NAALADL2: variants seen among roughly 807,000 people sequenced by gnomAD.
NAALADL2 encodes inactive N-acetylated-alpha-linked acidic dipeptidase-like protein 2.
A neutral mutation model predicts 87.2 loss-of-function variants in NAALADL2; 76 were observed. The observed-to-expected ratio is 0.87, with a 90% CI of 0.72 to 1.05. The LOEUF (loss-of-function observed/expected upper bound fraction) is 1.05. NAALADL2 is among the 50% of genes least tolerant of loss of function. NAALADL2 has a pLI of 0.00. For missense variants in NAALADL2, 1,089 were observed against 945.8 expected (o/e 1.15, Z -1.99); for synonymous variants, 354 against 331.0 (o/e 1.07, Z -0.75).
At chr3:174,873,446 G>C (rs1728109992) in intron 1 of NAALADL2, among the ~76,000 whole-genome samples, 2 of 151,826 alleles carry the variant, frequency 1.3e-5, no homozygotes, top group Non-Finnish European at 2.9e-5. Context: ...ATAGAGATGG[G>C]GTTTCACTCT....
chr3:174,528,089 T>C (rs868037930), intron 1 of NAALADL2, among the ~76,000 whole-genome samples: 1 of 152,058 alleles, frequency 6.6e-6, no homozygotes, highest in African/African-American at 2.4e-5. Flanking sequence ...TATTTACTAT[T>C]AATATATTTT....
intron 3 of NAALADL2, among the ~76,000 whole-genome samples, chr3:174,804,574 G>T (rs542643833): frequency 1.3e-5 from 2 of 152,154 alleles, no homozygotes; most frequent in South Asian, 4.1e-4. Flanking sequence ...TCCAGTTTTT[G>T]CCCATTCAGT....
At chr3:175,722,731 G>T (rs1048756189) in intron 11 of NAALADL2, among the ~76,000 whole-genome samples, 4 of 152,028 alleles carry the variant, frequency 2.6e-5, no homozygotes, top group African/African-American at 7.2e-5. Context: ...AAGATTTGTT[G>T]ATAGGATTAA....
intron 10 of NAALADL2, among the ~76,000 whole-genome samples, chr3:175,615,010 C>T (rs1725142067): frequency 6.6e-6 from 1 of 152,046 alleles, no homozygotes; most frequent in Non-Finnish European, 1.5e-5. Context: ...AACAAAACAG[C>T]AATCTACTCT....
At chr3:175,135,663 A>T (rs1729012896) in intron 2 of NAALADL2, among the ~76,000 whole-genome samples, 1 of 152,216 alleles carries the variant, frequency 6.6e-6, no homozygotes, top group Admixed American at 6.5e-5. Context: ...GATCATGAAG[A>T]TAATACTACC....
At chr3:175,711,860 T>A (rs942946630) in intron 11 of NAALADL2, among the ~76,000 whole-genome samples, 1 of 151,924 alleles carries the variant, frequency 6.6e-6, no homozygotes, top group Non-Finnish European at 1.5e-5. Flanking sequence ...TAGTGTTTAT[T>A]TTTAAATCTA....
intron 9 of NAALADL2, among the ~76,000 whole-genome samples, chr3:175,526,360 G>A (rs925868463): frequency 3.9e-5 from 6 of 152,088 alleles, no homozygotes; most frequent in African/African-American, 1.2e-4. Context: ...ATTGGAAGGA[G>A]GAATTTGCAG....
intron 5 of NAALADL2, among the ~76,000 whole-genome samples, chr3:175,344,094 C>T (rs989142729): frequency 1.3e-5 from 2 of 152,096 alleles, no homozygotes; most frequent in African/African-American, 4.8e-5. Context: ...CACCCATGAT[C>T]ATGGACTGCT....
intron 5 of NAALADL2, among the ~76,000 whole-genome samples, chr3:175,349,707 T>C (rs1763541363): frequency 6.6e-6 from 1 of 152,134 alleles, no homozygotes; most frequent in Non-Finnish European, 1.5e-5. Context: ...ATTTCTCTGT[T>C]TGGGAGAGAA....
intron 2 of NAALADL2, among the ~76,000 whole-genome samples, chr3:174,591,984 T>G (rs1036597006): frequency 3.9e-5 from 6 of 152,162 alleles, no homozygotes; most frequent in African/African-American, 1.4e-4. Flanking sequence ...CAGAAATGAC[T>G]TATAAACTTT....
chr3:175,799,018 G>A (rs185346602), intron 13 of NAALADL2, among the ~76,000 whole-genome samples: 1 of 152,100 alleles, frequency 6.6e-6, no homozygotes, highest in Admixed American at 6.6e-5. Context: ...TAGTTGCAAT[G>A]TTACAACTCA....
intron 5 of NAALADL2, among the ~76,000 whole-genome samples, chr3:175,436,498 C>G (rs1718698037): frequency 6.9e-6 from 1 of 144,604 alleles, no homozygotes; most frequent in African/African-American, 2.7e-5. Context: ...TTCTCCACAT[C>G]CTCTCCAGCA....
intron 1 of NAALADL2, among the ~76,000 whole-genome samples, chr3:175,045,409 T>C (rs1754550119): frequency 6.6e-6 from 1 of 152,222 alleles, no homozygotes; most frequent in South Asian, 2.1e-4. Context: ...TTTTCTGTTA[T>C]CTTTTCTCAA....
chr3:175,353,640 A>T (rs1204312131), intron 5 of NAALADL2, among the ~76,000 whole-genome samples: 3 of 152,096 alleles, frequency 2.0e-5, no homozygotes, highest in South Asian at 4.1e-4. Context: ...AGTTTCAAAG[A>T]CTCTTCAAAG....
At chr3:175,489,772 A>G (rs1016729967) in intron 9 of NAALADL2, among the ~76,000 whole-genome samples, 2 of 152,178 alleles carry the variant, frequency 1.3e-5, no homozygotes, top group African/African-American at 4.8e-5. Context: ...CTCCTTGTAG[A>G]AGAGACTTCT....
At chr3:174,470,273 G>C (rs180964583) in intron 1 of NAALADL2, among the ~76,000 whole-genome samples, 1 of 150,638 alleles carries the variant, frequency 6.6e-6, no homozygotes, top group East Asian at 2.1e-4. Flanking sequence ...TTTTTCATAT[G>C]TGTGTTGGCT....
intron 5 of NAALADL2, among the ~76,000 whole-genome samples, chr3:175,357,491 T>A (rs939032646): frequency 6.6e-6 from 1 of 152,204 alleles, no homozygotes; most frequent in Admixed American, 6.6e-5. Context: ...TCTTCTTATC[T>A]GTAAGAAACA....
At chr3:175,053,972 T>C (rs773534110) in intron 1 of NAALADL2, among the ~76,000 whole-genome samples, 11 of 152,380 alleles carry the variant, frequency 7.2e-5, no homozygotes, top group African/African-American at 9.6e-5. Context: ...AAGTGAGTGA[T>C]GTAAAAAGGG....
chr3:175,575,986 T>C, intron 9 of NAALADL2, 55 bp from the exon 10 acceptor site: 1 of 1,447,632 alleles, frequency 6.9e-7, no homozygotes, highest in South Asian at 1.3e-5. Context: ...AGCACTGATC[T>C]AGGGATGACC....
Sources: allele counts gnomAD v4.1 joint callset (sites outside exome capture counted in the v4.1 genomes callset), GRCh38; gene constraint gnomAD v4.1.1; transcripts MANE v1.5; gene names NCBI Gene and HGNC (gene_info 2026-07-23, HGNC 2026-07-21).